DMD: variants seen among roughly 807,000 people sequenced by gnomAD.
DMD encodes the protein dystrophin.
A neutral mutation model predicts 330.1 loss-of-function variants in DMD; 63 were observed. That is an observed-to-expected ratio of 0.19 (90% confidence interval 0.16 to 0.24). DMD has a LOEUF of 0.24. DMD is among the 10% of genes least tolerant of loss of function. The pLI is 1.00. For missense variants in DMD, 3,344 were observed against 2,684.1 expected, an observed-to-expected ratio of 1.25 and a Z score of -5.43; for synonymous variants, 1,223 against 959.8, an observed-to-expected ratio of 1.27 and a Z score of -5.07.
At chrX:32,092,913 C>T (rs2096485303) in intron 44 of DMD, among the ~76,000 whole-genome samples, 1 of 109,080 alleles carries the variant, frequency 9.2e-6, no homozygotes, top group Non-Finnish European at 1.9e-5. Flanking sequence ...TATATTTTAG[C>T]TGTTTTAACA....
chrX:32,801,723 A>C (rs146342839), intron 7 of DMD, among the ~76,000 whole-genome samples: 1,408 of 112,020 alleles, frequency 0.013, 16 homozygotes, highest in African/African-American at 0.043. Context: ...AGTCTTCTGC[A>C]TATGGCTAGC....
At position 33,163,552 on chromosome X, in the gene DMD, G is replaced by GTATATATATA. The variant is rs781153726; in HGVS notation, c.31+47720_31+47729dup. ...CTCCATCTCAAAAATATATATGTGT[G>GTATATATATA]TATATATATATATATATATATATGT... is the stretch of plus-strand genomic sequence containing the variant. On this transcript the variant is annotated intron_variant, in intron 1 of 78. Coordinates refer to ENST00000357033, the MANE Select transcript of DMD (RefSeq NM_004006.3). 5.3e-3 allele frequency among the ~76,000 whole-genome samples: 485 copies of GTATATATATA among 90,980 alleles called. 5 individuals carry two copies. The highest frequency in any genetic ancestry group is 0.019 in the African/African-American group (448 of 24,047). The allele number at this position is 90,980 out of a possible 115,157, so 79.0% of individuals were successfully genotyped here. A position where few individuals can be genotyped will look rare whatever the true frequency, so the allele number is the denominator to read the frequency against.
chrX:32,732,377 G>C (rs1174807794), intron 7 of DMD, among the ~76,000 whole-genome samples: 2 of 110,698 alleles, frequency 1.8e-5, no homozygotes, highest in African/African-American at 6.6e-5. Flanking sequence ...ATCTAGCAAG[G>C]CAGGCCAACA....
intron 51 of DMD, among the ~76,000 whole-genome samples, chrX:31,768,926 T>C (rs2090168955): frequency 8.9e-6 from 1 of 112,443 alleles, no homozygotes; most frequent in Non-Finnish European, 1.9e-5. Context: ...ATGGCTGTAT[T>C]CTTAAAACTT....
intron 55 of DMD, among the ~76,000 whole-genome samples, chrX:31,529,988 T>C (rs1340852381): frequency 9.0e-6 from 1 of 111,669 alleles, no homozygotes; most frequent in Non-Finnish European, 1.9e-5. Context: ...ACGATTAAAG[T>C]TTCTGCATCT....
chrX:31,655,034 C>A (rs1378515532), intron 54 of DMD, among the ~76,000 whole-genome samples: 2 of 111,692 alleles, frequency 1.8e-5, no homozygotes, highest in Admixed American at 9.5e-5. Flanking sequence ...TAAATAGAGG[C>A]AATAAGATTT....
chrX:31,608,931 T>C (rs998598157), intron 55 of DMD, among the ~76,000 whole-genome samples: 2 of 111,888 alleles, frequency 1.8e-5, no homozygotes, highest in Middle Eastern at 4.6e-3. Context: ...AATGATTAAA[T>C]CTACTACAGC....
intron 54 of DMD, 121 bp from the exon 55 acceptor site, chrX:31,627,983 G>C (rs1485612002): frequency 1.6e-6 from 1 of 644,065 alleles, no homozygotes; most frequent in Non-Finnish European, 2.5e-6. Context: ...GGGGTGAGTT[G>C]TTGCTACAGC....
intron 51 of DMD, among the ~76,000 whole-genome samples, chrX:31,756,892 T>G (rs2089149459): frequency 8.9e-6 from 1 of 111,742 alleles, no homozygotes; most frequent in Non-Finnish European, 1.9e-5. Context: ...TATTCACAAT[T>G]ATTTCTACTA....
intron 47 of DMD, among the ~76,000 whole-genome samples, chrX:31,895,273 A>C (rs1028713098): frequency 9.0e-6 from 1 of 111,581 alleles, no homozygotes; most frequent in African/African-American, 3.3e-5. Context: ...AAACTATCGA[A>C]AGCTATTCTG....
intron 47 of DMD, among the ~76,000 whole-genome samples, chrX:31,889,647 T>TCTCTCACACA (rs796563415): frequency 2.3e-3 from 162 of 71,587 alleles, no homozygotes; most frequent in Non-Finnish European, 2.8e-3. Flanking sequence ...TCTCTCTCTC[T>TCTCTCACACA]CACACACACA....
intron 61 of DMD, among the ~76,000 whole-genome samples, chrX:31,329,729 T>C (rs1166537505): frequency 9.1e-6 from 1 of 109,970 alleles, no homozygotes; most frequent in African/African-American, 3.3e-5. Flanking sequence ...TCCCAGCACT[T>C]TGGGAGGCCA....
intron 1 of DMD, among the ~76,000 whole-genome samples, chrX:33,116,044 T>C (rs1028713577): frequency 9.3e-5 from 10 of 107,704 alleles, no homozygotes; most frequent in African/African-American, 3.4e-4. Flanking sequence ...AATACAAAAA[T>C]TGGCCAGGCA....
chrX:32,860,315 T>C (rs1288492012), intron 2 of DMD, among the ~76,000 whole-genome samples: 1 of 112,147 alleles, frequency 8.9e-6, no homozygotes, highest in African/African-American at 3.2e-5. Context: ...ATCAATACGT[T>C]TCAGTAGAAA....
chrX:31,670,951 C>T (rs999316250), intron 53 of DMD, among the ~76,000 whole-genome samples: 3 of 108,035 alleles, frequency 2.8e-5, no homozygotes, highest in Non-Finnish European at 3.8e-5. Flanking sequence ...CTCGCTCTTT[C>T]GCCCAGGCCG....
intron 64 of DMD, among the ~76,000 whole-genome samples, chrX:31,210,155 T>C (rs1569468899): frequency 8.9e-6 from 1 of 112,152 alleles, no homozygotes; most frequent in East Asian, 2.8e-4. Context: ...GTAAACTCTA[T>C]TTCTAGCTAT....
In DMD at chrX:32,514,665, C is replaced by A. The variant is rs769021565; in HGVS notation, c.2292+3343G>T. ...CTGAGGCAGGAGAACGGCGTGAACC[C>A]GGGAGGCAGAGCTTGCAGTGAGCCG... On this transcript the variant is annotated intron_variant, in intron 18 of 78. Coordinates refer to ENST00000357033, the MANE Select transcript of DMD (RefSeq NM_004006.3). 1.3e-3 allele frequency among the ~76,000 whole-genome samples: 143 copies of A among 112,308 alleles called. 1 individual carries two copies. Among genetic ancestry groups the A allele is most frequent in the African/African-American group, 4.3e-3 (132 of 30,963 alleles).
chrX:31,694,649 T>TATATATATATATAC (rs1156942395), intron 52 of DMD, among the ~76,000 whole-genome samples: 9 of 75,641 alleles, frequency 1.2e-4, no homozygotes, highest in African/African-American at 4.7e-4. Flanking sequence ...TATATATATA[T>TATATATATATATAC]ACACACACAT....
chrX:32,176,822 C>T (rs1277230599), intron 44 of DMD, among the ~76,000 whole-genome samples: 3 of 111,366 alleles, frequency 2.7e-5, no homozygotes, highest in African/African-American at 6.5e-5. Context: ...TACCCAACCC[C>T]TCACTTGGAT....
Sources: gnomAD v4.1 joint callset for allele counts (sites outside exome capture counted in the v4.1 genomes callset) on GRCh38, gnomAD v4.1.1 for gene constraint, MANE v1.5 for transcripts, NCBI Gene and HGNC (gene_info 2026-07-23, HGNC 2026-07-21) for gene names.